RASAL1: variants seen among roughly 807,000 people sequenced by gnomAD.
RASAL1 encodes RAS protein activator like 1, also known as rasGAP-activating-like protein 1.
Under a neutral mutation model 96.6 loss-of-function variants are expected in RASAL1, and 72 were observed. That is an observed-to-expected ratio of 0.75 (90% CI 0.62 to 0.91). The LOEUF (loss-of-function observed/expected upper bound fraction) is 0.91, where lower values mean the gene tolerates loss of function less well. Among genes scored for constraint, RASAL1 ranks in the 40% least tolerant of loss-of-function variants. The pLI, the probability that RASAL1 is intolerant of heterozygous loss-of-function variation, is 0.00. For missense variants in RASAL1, 1,016 were observed against 1,072.5 expected, an observed-to-expected ratio of 0.95 and a Z score of 0.74; for synonymous variants, 405 against 430.4, an observed-to-expected ratio of 0.94 and a Z score of 0.73.
rs865807815 is a variant in RASAL1 at position 113,129,038 on chromosome 12, A to G, written c.123-860T>C. On this transcript the variant is annotated intron_variant, in intron 2 of 20. Transcript: ENST00000548055. This position sits in a 1 kb window ranked among gnomAD's most constrained non-coding sequence, Gnocchi z 5.0. ...ATTCATTTGTTCATTCGTTTACTCC[A>G]TAAACATTCACTTGGACTATGGGCC... Among the ~76,000 whole-genome samples the G allele has an allele frequency of 6.6e-6, 1 of 151,996 alleles. No individual in the cohort carries two copies. The highest frequency in any genetic ancestry group is 2.1e-4 in the South Asian group (1 of 4,826).
chr12:113,105,880 C>G lies in RASAL1; in HGVS notation c.1664G>C (p.Gly555Ala). 1.9e-6 allele frequency: 3 copies of G among 1,612,806 alleles called. No individual in the cohort carries two copies. The highest frequency in any genetic ancestry group is 2.5e-6 in the Non-Finnish European group (3 of 1,179,456). ...LVDVDGDEEA[G>A]VPARALFPPS... Reference sequence around the variant, plus strand: ...CGGGAACAGGGCCCTGGCTGGGACACCAGCTTCTAGGAGATGGGAGAAGAG... The same window carrying G: ...CGGGAACAGGGCCCTGGCTGGGACAGCAGCTTCTAGGAGATGGGAGAAGAG... The change falls in exon 16 of 21, where the codon GGT becomes GCT. Residue 555 changes from glycine (G) to alanine (A), a missense_variant. Physicochemically the swap from Gly to Ala is moderately conservative, Grantham distance 60. Transcript: ENST00000548055.
In RASAL1 at chr12:113,112,120, C is replaced by T. The variant is rs771713691; in HGVS notation, c.1340G>A (p.Arg447Gln). Residue 447 changes from arginine to glutamine, a missense_variant, in exon 13 of 21, where the codon CGA (arginine) becomes CAA (glutamine). Coordinates refer to ENST00000548055, the MANE Select transcript of RASAL1 (RefSeq NM_001301202.2). ...GGCCTGGGGGAAGCGCTCCTCCACT[C>T]GCCGGTGCAGCTGCTTGAAGGCGAG... ...MRLAFKQLHR[R>Q]VEERFPQAEH... 1.4e-5 allele frequency: 17 copies of T among 1,247,470 alleles called. No individual in the cohort carries two copies. The highest frequency in any genetic ancestry group is 7.6e-5 in the South Asian group (2 of 26,222). The allele number at this position is 1,247,470 out of a possible 1,614,324, so 77.3% of individuals were successfully genotyped here.
chr12:113,102,024 CTTCA>C lies in RASAL1; in HGVS notation c.2105-19_2105-16del, dbSNP rs1212032554. 6.2e-7 allele frequency: 1 copy of C among 1,609,088 alleles called. No homozygotes were observed. The highest frequency in any genetic ancestry group is 8.5e-7 in the Non-Finnish European group (1 of 1,177,438). On this transcript the variant is annotated splice_polypyrimidine_tract_variant and intron_variant, in intron 18 of 20. Coordinates refer to ENST00000548055, the MANE Select transcript of RASAL1 (RefSeq NM_001301202.2). ...GCAGCCGGCGGCTGAGGGAACACAG[CTTCA>C]TTCATCAGTAACTCCCTCTCCCCTT...
rs776495484 is a variant in RASAL1, at chr12:113,119,187, G to A, written c.583C>T (p.Pro195Ser). Reference sequence around the variant, plus strand: ...CAGTCCCAGAGCTCCACCCGCAGTGGGGACGGGGCACCTGGCATCTCCCGC... The same window carrying A: ...CAGTCCCAGAGCTCCACCCGCAGTGAGGACGGGGCACCTGGCATCTCCCGC... ...ELREMPGAPSPLRVELWDWDM... is the reference protein window; with the variant it reads ...ELREMPGAPSSLRVELWDWDM... The change falls in exon 7 of 21, where the codon CCA becomes TCA. Residue 195 changes from proline to serine, a missense_variant. Transcript: ENST00000548055. 1.9e-6 allele frequency: 3 copies of A among 1,613,990 alleles called. No individual in the cohort carries two copies. The highest frequency in any genetic ancestry group is 2.5e-6 in the Non-Finnish European group (3 of 1,179,922).
At chr12:113,133,021 T>C (rs1236692731) in intron 1 of RASAL1, among the ~76,000 whole-genome samples, 3 of 152,178 alleles carry the variant, frequency 2.0e-5, no homozygotes, top group Non-Finnish European at 2.9e-5. Context: ...GCTTCCTTTA[T>C]GCAGGCTCCC....
chr12:113,115,789 C>T lies in RASAL1; in HGVS notation c.850-1G>A. On this transcript the variant is annotated splice_acceptor_variant, in intron 9 of 20. Coordinates refer to ENST00000548055, the MANE Select transcript of RASAL1 (RefSeq NM_001301202.2). LOFTEE classifies it high-confidence loss of function. This position sits in a 1 kb window ranked among gnomAD's most constrained non-coding sequence, Gnocchi z 4.1. ...AAGCCAAGGGGCTAGCAGTGTCCTC[C>T]TGGGTGGGGGCGGGAGACAAAGATG... 1 of 1,613,986 alleles carries T rather than the reference C, an allele frequency of 6.2e-7. No individual in the cohort carries two copies. Among genetic ancestry groups the T allele is most frequent in the Non-Finnish European group, 8.5e-7 (1 of 1,179,922 alleles).
chr12:113,115,688 C>G lies in RASAL1; in HGVS notation c.950G>C (p.Gly317Ala). The change falls in exon 10 of 21, where the codon GGA (glycine) becomes GCA (alanine). Residue 317 changes from glycine (G) to alanine (A), a missense_variant. Transcript: ENST00000548055. This position sits in a 1 kb window ranked among gnomAD's most constrained non-coding sequence, Gnocchi z 4.1. ...ATAGTCCAGAAAGCGCCCAGCCAGT[C>G]CCCGGCCAAGAAAGAGTTTCACCAG... ...TKLVKLFLGRGLAGRFLDYLT... is the reference protein window; with the variant it reads ...TKLVKLFLGRALAGRFLDYLT... 1 of 1,613,912 alleles carries G rather than the reference C, an allele frequency of 6.2e-7. No individual in the cohort carries two copies. Among genetic ancestry groups the G allele is most frequent in the Non-Finnish European group, 8.5e-7 (1 of 1,179,864 alleles).
Position 113,100,407 on chromosome 12 carries a change from T to G in RASAL1, c.2278+221A>C, listed in dbSNP as rs144494647. Among the ~76,000 whole-genome samples, 815 of 152,202 alleles carry G rather than the reference T, an allele frequency of 5.4e-3. 5 individuals carry two copies. Among genetic ancestry groups the G allele is most frequent in the African/African-American group, 0.019 (790 of 41,538 alleles). ...TCCACCTCCTGGGCTCAAGCAATTC[T>G]CATGCCTCAGCCTCCCCAGTAGCTG... On this transcript the variant is annotated intron_variant, in intron 20 of 20. Coordinates refer to ENST00000548055, the MANE Select transcript of RASAL1 (RefSeq NM_001301202.2).
chr12:113,110,232 C>A (rs937479727), intron 13 of RASAL1, among the ~76,000 whole-genome samples: 6 of 152,070 alleles, frequency 3.9e-5, no homozygotes, highest in African/African-American at 1.2e-4. Flanking sequence ...GGGGAGAGAC[C>A]CCAGCTGGGA....
chr12:113,120,425 G>A (rs548033495), intron 5 of RASAL1, among the ~76,000 whole-genome samples: 1 of 152,308 alleles, frequency 6.6e-6, no homozygotes, highest in African/African-American at 2.4e-5. Flanking sequence ...GGAAGCCCCA[G>A]CTGAGGCCAA....
chr12:113,105,753 G>A lies in RASAL1; in HGVS notation c.1791C>T (p.Ser597=), dbSNP rs150572787. Residue 597 remains serine, a synonymous_variant, in exon 16 of 21, where the codon AGC becomes AGT. Transcript: ENST00000548055. ...TCTTGGAGAAGGAGAGGGTCTCCCCGCTGAGCCAGACGTAGCGCTTCTTGA... is the reference window on the plus strand; with the variant it reads ...TCTTGGAGAAGGAGAGGGTCTCCCCACTGAGCCAGACGTAGCGCTTCTTGA... ...FAFKKRYVWL[S]GETLSFSKSP... The A allele has an allele frequency of 1.6e-4, 255 of 1,613,242 alleles. 2 individuals are homozygous for A. In the African/African-American group the frequency reaches 2.8e-3, roughly 17 times the overall value.
chr12:113,101,620 C>T (rs909894766), intron 19 of RASAL1, among the ~76,000 whole-genome samples: 1 of 143,182 alleles, frequency 7.0e-6, no homozygotes, highest in African/African-American at 2.5e-5. Context: ...GCGCAGGGGG[C>T]CAGGATTTTA....
chr12:113,115,988 C>A lies in RASAL1; in HGVS notation c.795G>T (p.Gln265His), dbSNP rs1566054825. The A allele has an allele frequency of 6.2e-7, 1 of 1,610,822 alleles. No individual in the cohort carries two copies. The highest frequency in any genetic ancestry group is 2.2e-5 in the East Asian group (1 of 44,802). Reference sequence around the variant, plus strand: ...GCAGCTCCATGAGAGGCTGGTAGCACTGGGAGGGCAGGACGCGGTCCTCAA... The same window carrying A: ...GCAGCTCCATGAGAGGCTGGTAGCAATGGGAGGGCAGGACGCGGTCCTCAA... ...RLIEDRVLPSQCYQPLMELLM... is the reference protein window; with the variant it reads ...RLIEDRVLPSHCYQPLMELLM... The change falls in exon 9 of 21, where the codon CAG (glutamine) becomes CAT (histidine). Residue 265 changes from glutamine (Q) to histidine (H), a missense_variant. Coordinates refer to ENST00000548055, the MANE Select transcript of RASAL1 (RefSeq NM_001301202.2). The surrounding 1 kb of genome is among the most constrained non-coding windows in gnomAD (Gnocchi z 4.1).
intron 4 of RASAL1, among the ~76,000 whole-genome samples, chr12:113,124,239 A>AAAAAAT (rs377263513): frequency 7.3e-6 from 1 of 137,678 alleles, no homozygotes. Context: ...AAAAAAAAAA[A>AAAAAAT]GTTACCACAA....
chr12:113,100,161 C>T (rs1950390679), intron 20 of RASAL1, 93 bp from the exon 21 acceptor site: 2 of 1,389,094 alleles, frequency 1.4e-6, no homozygotes, highest in Non-Finnish European at 1.9e-6. Context: ...GAAGATGTGC[C>T]TTGTGCCCTG....
chr12:113,120,649 G>A (rs1951260905), intron 5 of RASAL1, among the ~76,000 whole-genome samples: 1 of 152,118 alleles, frequency 6.6e-6, no homozygotes, highest in South Asian at 2.1e-4. Context: ...CAAAATGACA[G>A]AGAGCTGAGG....
intron 5 of RASAL1, among the ~76,000 whole-genome samples, chr12:113,119,660 A>C (rs1302949086): frequency 6.6e-6 from 1 of 152,140 alleles, no homozygotes; most frequent in Non-Finnish European, 1.5e-5. Flanking sequence ...CCTATTTTTC[A>C]GATGAGGAAA....
intron 5 of RASAL1, 84 bp from the exon 6 acceptor site, chr12:113,119,527 T>C: frequency 7.7e-7 from 1 of 1,306,424 alleles, no homozygotes; most frequent in Admixed American, 2.0e-5. Context: ...ATCATTCCAA[T>C]GTCGCTGGTT....
At chr12:113,104,404 G>T in intron 16 of RASAL1, 106 bp from the exon 17 acceptor site, 1 of 1,180,066 alleles carries the variant, frequency 8.5e-7, no homozygotes, top group Non-Finnish European at 1.2e-6. Context: ...CCCAGCGGCG[G>T]GACATTCAAC....
Sources: allele counts gnomAD v4.1 joint callset (sites outside exome capture counted in the v4.1 genomes callset), GRCh38; gene constraint gnomAD v4.1.1; non-coding constraint Gnocchi (gnomAD v3.1); transcripts MANE v1.5; gene names NCBI Gene and HGNC (gene_info 2026-07-23, HGNC 2026-07-21).